GAS2L2: variants seen among roughly 807,000 people sequenced by gnomAD.
The protein encoded by GAS2L2 is GAS2-like protein 2.
A neutral mutation model predicts 35.2 loss-of-function variants in GAS2L2; 21 were observed. That is an observed-to-expected ratio of 0.60 (90% confidence interval 0.42 to 0.86). The LOEUF (loss-of-function observed/expected upper bound fraction) is 0.86. GAS2L2 is among the 40% of genes least tolerant of loss of function. The pLI is 0.00. For missense variants in GAS2L2, 1,169 were observed against 1,144.4 expected, an observed-to-expected ratio of 1.02 and a Z score of -0.31; for synonymous variants, 490 against 473.2, an observed-to-expected ratio of 1.04 and a Z score of -0.46.
Position 35,744,601 on chromosome 17 carries a change from G to T in GAS2L2, c.*253C>A. The T allele has an allele frequency of 2.2e-6, 1 of 457,746 alleles. No individual in the cohort carries two copies. The highest frequency in any genetic ancestry group is 1.9e-5 in the African/African-American group (1 of 52,452). The allele number at this position is 457,746 out of a possible 1,614,324, so 28.4% of individuals were successfully genotyped here. ...GGGCCAGAGGCCAGGAGTGTGGTGA[G>T]CCGTTCTAGGGGAGAGTAATGAGAT... On this transcript the variant is annotated 3_prime_UTR_variant, in exon 6 of 6. Transcript: ENST00000604641.
chr17:35,752,169 T>G (rs981371323), intron 1 of GAS2L2, among the ~76,000 whole-genome samples: 1 of 152,222 alleles, frequency 6.6e-6, no homozygotes, highest in Admixed American at 6.5e-5. Context: ...TGTTGGGCGC[T>G]GGGTCTCTTT....
At position 35,746,087 on chromosome 17, in the gene GAS2L2, G is replaced by A. The variant is rs587602698; in HGVS notation, c.1410C>T (p.Leu470=). The change falls in exon 6 of 6, where the codon CTC becomes CTT. Residue 470 remains leucine, a synonymous_variant. Coordinates refer to ENST00000604641, the MANE Select transcript of GAS2L2 (RefSeq NM_139285.4). ...TGGCCTCATCCCGGAGTGGCAGCCTGAGGCCCAGGCACTCGGCTGGGCCAA... is the reference window on the plus strand; with the variant it reads ...TGGCCTCATCCCGGAGTGGCAGCCTAAGGCCCAGGCACTCGGCTGGGCCAA... ...RSFGPAECLG[L]RLPLRDEAKG... The A allele has an allele frequency of 1.1e-4, 165 of 1,518,954 alleles. 3 individuals carry two copies. In the Middle Eastern group the frequency reaches 4.8e-3, roughly 44 times the overall value. The allele number at this position is 1,518,954 out of a possible 1,614,324, so 94.1% of individuals were successfully genotyped here.
chr17:35,747,814 C>G lies in GAS2L2; in HGVS notation c.832+35G>C, dbSNP rs782255408. On this transcript the variant is annotated intron_variant, in intron 4 of 5. Coordinates refer to ENST00000604641, the MANE Select transcript of GAS2L2 (RefSeq NM_139285.4). ...CAACCCAGAGCTAGGCCTCTTCAAC[C>G]AACCCCACAGGGAGAGGGCCCTCAG... 4 of 1,578,424 alleles carry G rather than the reference C, an allele frequency of 2.5e-6. No individual in the cohort carries two copies. The Admixed American group carries it at 6.7e-5, about 26-fold the overall frequency.
In GAS2L2 at chr17:35,747,181, G is replaced by A; in HGVS notation, c.920C>T (p.Pro307Leu). The change falls in exon 5 of 6, where the codon CCT (proline) becomes CTT (leucine). Residue 307 changes from proline (P) to leucine (L), a missense_variant. By Grantham distance (98) the Pro-to-Leu change is moderately conservative. Around this residue, in one of 3 missense-constraint regions of GAS2L2, gnomAD observed 1,035 missense variants for 976.5 expected, o/e 1.06. Coordinates refer to ENST00000604641, the MANE Select transcript of GAS2L2 (RefSeq NM_139285.4). ...CTGTGAGCGGCTGATGGTCATTGTA[G>A]GCTGGGTCTGTGAGGGTCCATCCTG... is the stretch of plus-strand genomic sequence containing the variant. ...RVQDGPSQTQ[P>L]TMTISRSQSP... The A allele has an allele frequency of 6.2e-7, 1 of 1,614,128 alleles. No individual in the cohort carries two copies. Among genetic ancestry groups the A allele is most frequent in the East Asian group, 2.2e-5 (1 of 44,880 alleles).
At chr17:35,751,200 C>CCCCT (rs147056901) in intron 1 of GAS2L2, among the ~76,000 whole-genome samples, 65 of 152,256 alleles carry the variant, frequency 4.3e-4, no homozygotes, top group African/African-American at 1.4e-3. Flanking sequence ...CATGATGGAG[C>CCCCT]CCCTCCCTGG....
Position 35,752,874 on chromosome 17 carries a change from G to A in GAS2L2, c.-24C>T. On this transcript the variant is annotated 5_prime_UTR_variant, in exon 1 of 6. Transcript: ENST00000604641. ...ATGGCTGGACCCCAGCAGGGCAGGA[G>A]GTGGGCACCTCCCCTCTCCCACTGC... 1 of 1,565,710 alleles carries A rather than the reference G, an allele frequency of 6.4e-7. No homozygotes were observed. Among genetic ancestry groups the A allele is most frequent in the Non-Finnish European group, 8.7e-7 (1 of 1,153,696 alleles).
At chr17:35,747,531 A>C (rs1598394953) in intron 4 of GAS2L2, among the ~76,000 whole-genome samples, 1 of 152,050 alleles carries the variant, frequency 6.6e-6, no homozygotes, top group Non-Finnish European at 1.5e-5. Context: ...GCGTTGATGG[A>C]GATTATGGAA....
rs782564406 is a variant in GAS2L2 at position 35,746,142 on chromosome 17, G to A, written c.1355C>T (p.Ala452Val). 2.7e-6 allele frequency: 4 copies of A among 1,507,682 alleles called. No individual in the cohort carries two copies. The Admixed American group carries it at 9.1e-5, about 34-fold the overall frequency. 93.4% of individuals were successfully genotyped at this position (1,507,682 alleles called of 1,614,324 possible). ...ACGAGGCAGGGGAGATGGTCCTCTTGCTGATATCCCTTTGGTGGTGGCCTC... is the reference window on the plus strand; with the variant it reads ...ACGAGGCAGGGGAGATGGTCCTCTTACTGATATCCCTTTGGTGGTGGCCTC... ...AIEATTKGIS[A>V]RGPSPLPRSF... Residue 452 changes from alanine (A) to valine (V), a missense_variant, in exon 6 of 6, where the codon GCA becomes GTA. Ala to Val is a moderately conservative substitution (Grantham distance 64, BLOSUM62 0). Transcript: ENST00000604641.
At position 35,745,026 on chromosome 17, in the gene GAS2L2, C is replaced by T. The variant is rs782471867; in HGVS notation, c.2471G>A (p.Gly824Glu). ...RLLRAVLGSKGGEASRVDGAS... is the reference protein window; with the variant it reads ...RLLRAVLGSKEGEASRVDGAS... ...TCCATCCACCCGGGATGCCTCCCCT[C>T]CCTTGCTGCCCAGCACAGCTCTCAA... is the stretch of plus-strand genomic sequence containing the variant. Residue 824 changes from glycine (G) to glutamate (E), a missense_variant, in exon 6 of 6, where the codon GGA (glycine) becomes GAA (glutamate). Gly to Glu is a moderately conservative substitution (Grantham distance 98). Coordinates refer to ENST00000604641, the MANE Select transcript of GAS2L2 (RefSeq NM_139285.4). The T allele has an allele frequency of 6.2e-7, 1 of 1,614,058 alleles. No homozygotes were observed.
chr17:35,748,005 G>T, intron 3 of GAS2L2, 60 bp from the exon 4 acceptor site: 1 of 1,309,836 alleles, frequency 7.6e-7, no homozygotes, highest in Non-Finnish European at 1.1e-6. Flanking sequence ...TCCTGGACCA[G>T]CTCGCGGGCT....
At position 35,747,175 on chromosome 17, in the gene GAS2L2, A is replaced by AT. The variant is rs1568101915; in HGVS notation, c.925dup (p.Met309AsnfsTer102). 6.2e-7 allele frequency: 1 copy of AT among 1,614,062 alleles called. No individual in the cohort carries two copies. Among genetic ancestry groups the AT allele is most frequent in the Non-Finnish European group, 8.5e-7 (1 of 1,179,966 alleles). On this transcript the variant is annotated frameshift_variant, in exon 5 of 6. Transcript: ENST00000604641. LOFTEE classifies it high-confidence loss of function. ...TGGGCTCTGTGAGCGGCTGATGGTC[A>AT]TTGTAGGCTGGGTCTGTGAGGGTCC...
rs2085655619 is a variant in GAS2L2 at position 35,745,081 on chromosome 17, G to T, written c.2416C>A (p.Pro806Thr). The T allele has an allele frequency of 6.2e-7, 1 of 1,613,748 alleles. No homozygotes were observed. The highest frequency in any genetic ancestry group is 8.5e-7 in the Non-Finnish European group (1 of 1,179,864). The change falls in exon 6 of 6, where the codon CCA becomes ACA. Residue 806 changes from proline to threonine, a missense_variant. Physicochemically the swap from Pro to Thr is conservative, Grantham distance 38. Around this residue, in one of 3 missense-constraint regions of GAS2L2, gnomAD observed 1,035 missense variants for 976.5 expected, o/e 1.06. Coordinates refer to ENST00000604641, the MANE Select transcript of GAS2L2 (RefSeq NM_139285.4). ...PRPLAYVFLG[P>T]ARQPPKDRLL... ...CTGTCCTTGGGGGGCTGCCTGGCTGGACCCAGGAAGACATAGGCCAGTGGC... is the reference window on the plus strand; with the variant it reads ...CTGTCCTTGGGGGGCTGCCTGGCTGTACCCAGGAAGACATAGGCCAGTGGC...
chr17:35,746,419 G>A lies in GAS2L2; in HGVS notation c.1086-8C>T, dbSNP rs201533229. The A allele has an allele frequency of 7.5e-7, 1 of 1,331,802 alleles. No individual in the cohort carries two copies. The highest frequency in any genetic ancestry group is 2.7e-5 in the East Asian group (1 of 37,536). 82.5% of individuals were successfully genotyped at this position (1,331,802 alleles called of 1,614,324 possible). On this transcript the variant is annotated splice_polypyrimidine_tract_variant and splice_region_variant and intron_variant, in intron 5 of 5. Coordinates refer to ENST00000604641, the MANE Select transcript of GAS2L2 (RefSeq NM_139285.4). ...AGAGACCTCTCCTGGCACCTGAAAG[G>A]GAGAATCACAAGGCTGCAAAGGGAG...
In GAS2L2 at chr17:35,747,065, C is replaced by T. The variant is rs781995302; in HGVS notation, c.1036G>A (p.Glu346Lys). 4 of 1,608,596 alleles carry T rather than the reference C, an allele frequency of 2.5e-6. No individual in the cohort carries two copies. Among genetic ancestry groups the T allele is most frequent in the Non-Finnish European group, 3.4e-6 (4 of 1,176,912 alleles). Reference sequence around the variant, plus strand: ...GAGGCCCCCGTCCCTGCTCCCCGTTCCCTGCGGGGTCTGGGGGAGGATGGG... The same window carrying T: ...GAGGCCCCCGTCCCTGCTCCCCGTTTCCTGCGGGGTCTGGGGGAGGATGGG... ...PTPSSPRPRRERGAGTGASRE... is the reference protein window; with the variant it reads ...PTPSSPRPRRKRGAGTGASRE... The change falls in exon 5 of 6, where the codon GAA (glutamate) becomes AAA (lysine). Residue 346 changes from glutamate to lysine, a missense_variant. Glu to Lys is a moderately conservative substitution (Grantham distance 56). This residue lies in a region of GAS2L2 where 1,035 missense variants were observed against 976.5 expected (regional missense o/e 1.06). Coordinates refer to ENST00000604641, the MANE Select transcript of GAS2L2 (RefSeq NM_139285.4).
chr17:35,744,627 A>G lies in GAS2L2; in HGVS notation c.*227T>C, dbSNP rs1555598501. 1 of 559,286 alleles carries G rather than the reference A, an allele frequency of 1.8e-6. No individual in the cohort carries two copies. Among genetic ancestry groups the G allele is most frequent in the Non-Finnish European group, 3.2e-6 (1 of 313,910 alleles). The allele number at this position is 559,286 out of a possible 1,614,324, so 34.6% of individuals were successfully genotyped here. A position where few individuals can be genotyped will look rare whatever the true frequency, so the allele number is the denominator to read the frequency against. Reference sequence around the variant, plus strand: ...CCGTTCTAGGGGAGAGTAATGAGATACAGGATGGTCCTACTGCCCCTGGCC... The same window carrying G: ...CCGTTCTAGGGGAGAGTAATGAGATGCAGGATGGTCCTACTGCCCCTGGCC... On this transcript the variant is annotated 3_prime_UTR_variant, in exon 6 of 6. Coordinates refer to ENST00000604641, the MANE Select transcript of GAS2L2 (RefSeq NM_139285.4).
chr17:35,744,810 G>A lies in GAS2L2; in HGVS notation c.*44C>T. ...GCAGCTGTGAATCCAGTGTATACAT[G>A]GCCATCCTTTTTGCTTCCCTCCTAC... On this transcript the variant is annotated 3_prime_UTR_variant, in exon 6 of 6. Transcript: ENST00000604641. The A allele has an allele frequency of 7.1e-7, 1 of 1,408,140 alleles. No homozygotes were observed. Among genetic ancestry groups the A allele is most frequent in the Non-Finnish European group, 9.7e-7 (1 of 1,027,876 alleles). 87.2% of individuals were successfully genotyped at this position (1,408,140 alleles called of 1,614,324 possible).
rs782559864 is a variant in GAS2L2, at chr17:35,750,183, T to G, written c.521A>C (p.Glu174Ala). The change falls in exon 2 of 6, where the codon GAG becomes GCG. Residue 174 changes from glutamate to alanine, a missense_variant. Coordinates refer to ENST00000604641, the MANE Select transcript of GAS2L2 (RefSeq NM_139285.4). ...CTCCCGCCGCACCTCCTCCTCGATC[T>G]CCTCCTCCAGCTGCACGAGTGTGGG... ...AAPTLVQLEEEIEEEVRRELA... is the reference protein window; with the variant it reads ...AAPTLVQLEEAIEEEVRRELA... 6.2e-7 allele frequency: 1 copy of G among 1,612,796 alleles called. No individual in the cohort carries two copies. Among genetic ancestry groups the G allele is most frequent in the Non-Finnish European group, 8.5e-7 (1 of 1,179,338 alleles).
rs1321046721 is a variant in GAS2L2 at position 35,745,511 on chromosome 17, G to GGA, written c.1984_1985dup (p.Ser664HisfsTer47). 6.2e-7 allele frequency: 1 copy of GGA among 1,609,330 alleles called. No individual in the cohort carries two copies. The highest frequency in any genetic ancestry group is 8.5e-7 in the Non-Finnish European group (1 of 1,176,836). On this transcript the variant is annotated frameshift_variant, in exon 6 of 6. Transcript: ENST00000604641. LOFTEE classifies it low-confidence loss of function (END_TRUNC). ...CCAGGTCCACTTTAAGGAGGGATGG[G>GGA]GACCCCTGAGCCAGTTCTTGGATGG...
rs782789870 is a variant in GAS2L2 at position 35,745,641 on chromosome 17, C to T, written c.1856G>A (p.Ser619Asn). The T allele has an allele frequency of 6.2e-7, 1 of 1,613,974 alleles. No individual in the cohort carries two copies. Among genetic ancestry groups the T allele is most frequent in the East Asian group, 2.2e-5 (1 of 44,874 alleles). The change falls in exon 6 of 6, where the codon AGT (serine) becomes AAT (asparagine). Residue 619 changes from serine to asparagine, a missense_variant. Physicochemically the swap from Ser to Asn is conservative, Grantham distance 46. Transcript: ENST00000604641. ...AGACCTTGTGCCCTGCGGACAGGCA[C>T]TCCTGACTTCTAGCAGCTTCATGTT... ...LGNMKLLEVR[S>N]ACPQGTRSGV...
Sources: allele counts gnomAD v4.1 joint callset (sites outside exome capture counted in the v4.1 genomes callset), GRCh38; gene constraint gnomAD v4.1.1; regional missense constraint gnomAD v4.1.1; transcripts MANE v1.5; gene names NCBI Gene and HGNC (gene_info 2026-07-23, HGNC 2026-07-21).